AKAP3: variants seen among roughly 807,000 people sequenced by gnomAD.
AKAP3 encodes A-kinase anchoring protein 3, also known as A-kinase anchor protein 3.
A neutral mutation model predicts 57.2 loss-of-function variants in AKAP3; 27 were observed. The ratio of observed to expected loss-of-function variants is 0.47; its 90% CI spans 0.35 to 0.65. The LOEUF (loss-of-function observed/expected upper bound fraction) is 0.65, where lower values mean the gene tolerates loss of function less well. Ranked by LOEUF, AKAP3 falls within the 30% of genes least tolerant of loss-of-function variation. AKAP3 has a pLI of 0.01. For missense variants in AKAP3, 959 were observed against 1,040.0 expected, an observed-to-expected ratio of 0.92 and a Z score of 1.07; for synonymous variants, 334 against 392.3, an observed-to-expected ratio of 0.85 and a Z score of 1.76.
Position 4,615,688 on chromosome 12 carries a change from G to C in AKAP3, c.*51C>G. Reference sequence around the variant, plus strand: ...TGTGGAAGTGAGAAAGAAGGGCGGGGATAAGGGCCGGCCCCACTGCCAGAA... The same window carrying C: ...TGTGGAAGTGAGAAAGAAGGGCGGGCATAAGGGCCGGCCCCACTGCCAGAA... On this transcript the variant is annotated 3_prime_UTR_variant, in exon 6 of 6. Coordinates refer to ENST00000228850, the MANE Select transcript of AKAP3 (RefSeq NM_001278309.2). The C allele has an allele frequency of 6.3e-7, 1 of 1,584,930 alleles. No homozygotes were observed. The highest frequency in any genetic ancestry group is 8.6e-7 in the Non-Finnish European group (1 of 1,161,792).
At chr12:4,620,087 A>C (rs1175066563) in intron 5 of AKAP3, among the ~76,000 whole-genome samples, 1 of 152,258 alleles carries the variant, frequency 6.6e-6, no homozygotes, top group Non-Finnish European at 1.5e-5. Flanking sequence ...CCTATCGGAT[A>C]TTCAAAAATA....
At chr12:4,628,888 A>G in intron 4 of AKAP3, 83 bp from the exon 5 acceptor site, 3 of 1,422,460 alleles carry the variant, frequency 2.1e-6, no homozygotes, top group Non-Finnish European at 2.8e-6. Flanking sequence ...TCAGTTACAA[A>G]TGTCATCAGC....
At chr12:4,619,061 C>T (rs978402794) in intron 5 of AKAP3, among the ~76,000 whole-genome samples, 14 of 152,096 alleles carry the variant, frequency 9.2e-5, no homozygotes, top group African/African-American at 2.2e-4. Flanking sequence ...GAGCACATAA[C>T]GGAATAACGT....
At chr12:4,648,269 T>C (rs777755791) in intron 1 of AKAP3, among the ~76,000 whole-genome samples, 1 of 152,218 alleles carries the variant, frequency 6.6e-6, no homozygotes, top group Non-Finnish European at 1.5e-5. Context: ...AGTTTCTCCT[T>C]AGACAGATGT....
At chr12:4,619,169 C>T (rs532841877) in intron 5 of AKAP3, among the ~76,000 whole-genome samples, 1 of 152,098 alleles carries the variant, frequency 6.6e-6, no homozygotes, top group East Asian at 1.9e-4. Flanking sequence ...ATAATATTGA[C>T]CAGGATGTGG....
rs1367230714 is a variant in AKAP3, at chr12:4,639,618, G to A, written c.1-1422C>T. The stretch of plus-strand genomic sequence containing the variant: ...CAGGCCCCGGTGTGTGATGTTCCCC[G>A]CCCTGTGTCTAAGTGTTCTCATTGT... On this transcript the variant is annotated intron_variant, in intron 3 of 5. Coordinates refer to ENST00000228850, the MANE Select transcript of AKAP3 (RefSeq NM_001278309.2). 4.2e-5 allele frequency among the ~76,000 whole-genome samples: 4 copies of A among 95,212 alleles called. No homozygotes were observed. In the Admixed American group the frequency reaches 5.9e-4, roughly 14 times the overall value. The allele number at this position is 95,212 out of a possible 152,430, so 62.5% of individuals were successfully genotyped here. A position where few individuals can be genotyped will look rare whatever the true frequency, so the allele number is the denominator to read the frequency against.
At chr12:4,637,192 T>C (rs7137549) in intron 4 of AKAP3, among the ~76,000 whole-genome samples, 8,869 of 152,326 alleles carry the variant, frequency 0.058, 382 homozygotes, top group South Asian at 0.12. Context: ...TGACTTACTG[T>C]CTCTCACTCC....
At position 4,628,482 on chromosome 12, in the gene AKAP3, G is replaced by A; in HGVS notation, c.420C>T (p.Arg140=). The A allele has an allele frequency of 6.2e-7, 1 of 1,614,142 alleles. No homozygotes were observed. The highest frequency in any genetic ancestry group is 8.5e-7 in the Non-Finnish European group (1 of 1,180,022). ...RLTNLVIAMA[R]KEINEKIDGS... ...CATCGATCTTCTCATTGATCTCTTTGCGGGCCATGGCTATGACTAGATTCG... is the reference window on the plus strand; with the variant it reads ...CATCGATCTTCTCATTGATCTCTTTACGGGCCATGGCTATGACTAGATTCG... The change falls in exon 5 of 6, where the codon CGC becomes CGT. Residue 140 remains arginine, a synonymous_variant. Transcript: ENST00000228850.
chr12:4,622,806 G>A (rs771479209), intron 5 of AKAP3, among the ~76,000 whole-genome samples: 2 of 152,040 alleles, frequency 1.3e-5, no homozygotes, highest in African/African-American at 2.4e-5. Flanking sequence ...AAGAGCTTCT[G>A]CACATCAATA....
chr12:4,629,627 A>T (rs1945473019), intron 4 of AKAP3, among the ~76,000 whole-genome samples: 1 of 151,782 alleles, frequency 6.6e-6, no homozygotes, highest in Non-Finnish European at 1.5e-5. Flanking sequence ...CCTGAACTTA[A>T]AATAAAAGTT....
At position 4,626,644 on chromosome 12, in the gene AKAP3, G is replaced by A; in HGVS notation, c.2258C>T (p.Ala753Val). 4.3e-6 allele frequency: 7 copies of A among 1,614,204 alleles called. 1 individual carries two copies. The South Asian group carries it at 5.5e-5, about 13-fold the overall frequency. ...ATTGCTGACAATCACCGTGGGTGCT[G>A]CACACCCTTCAGGGGGCTGTCCTGA... is the stretch of plus-strand genomic sequence containing the variant. ...GTSGQPPEGCAAPTVIVSNHN... is the reference protein window; with the variant it reads ...GTSGQPPEGCVAPTVIVSNHN... The change falls in exon 5 of 6, where the codon GCA (alanine) becomes GTA (valine). Residue 753 changes from alanine to valine, a missense_variant. Transcript: ENST00000228850.
At chr12:4,626,435 A>G (rs1945412347) in intron 5 of AKAP3, 61 bp downstream of exon 5, 1 of 1,533,416 alleles carries the variant, frequency 6.5e-7, no homozygotes, top group Non-Finnish European at 8.8e-7. Flanking sequence ...AAGAAACCAG[A>G]ACTTAAAGCC....
At chr12:4,640,386 T>A (rs956544704) in intron 3 of AKAP3, among the ~76,000 whole-genome samples, 19 of 152,238 alleles carry the variant, frequency 1.2e-4, no homozygotes, top group Non-Finnish European at 1.0e-4. Context: ...AGTGAAATTG[T>A]GTTTTATGAA....
intron 4 of AKAP3, among the ~76,000 whole-genome samples, chr12:4,634,640 CAT>C (rs1351098013): frequency 6.6e-6 from 1 of 151,990 alleles, no homozygotes; most frequent in Non-Finnish European, 1.5e-5. Flanking sequence ...AAAGAACTCA[CAT>C]GTTTGAAAGG....
intron 4 of AKAP3, among the ~76,000 whole-genome samples, chr12:4,633,056 C>G (rs1344656925): frequency 6.6e-6 from 1 of 151,478 alleles, no homozygotes; most frequent in African/African-American, 2.4e-5. Flanking sequence ...TGAGCTGTAA[C>G]AGTACAGGAA....
rs773960015 is a variant in AKAP3, at chr12:4,627,268, C to G, written c.1634G>C (p.Arg545Thr). ...IQYHLAQGGR[R>T]DARSFVEAAG... ...AGCTTCAACGAAGCTCCGTGCATCC[C>G]TTCTTCCTCCCTGGGCCAGGTGATA... The change falls in exon 5 of 6, where the codon AGG (arginine) becomes ACG (threonine). Residue 545 changes from arginine (R) to threonine (T), a missense_variant. Transcript: ENST00000228850. The G allele has an allele frequency of 4.3e-6, 7 of 1,614,050 alleles. No individual in the cohort carries two copies. In the Admixed American group the frequency reaches 1.2e-4, roughly 27 times the overall value.
chr12:4,628,689 C>G lies in AKAP3; in HGVS notation c.213G>C (p.Thr71=), dbSNP rs138233318. 1.3e-5 allele frequency: 21 copies of G among 1,614,006 alleles called. No homozygotes were observed. The highest frequency in any genetic ancestry group is 1.7e-5 in the Non-Finnish European group (20 of 1,180,010). Residue 71 remains threonine (T), a synonymous_variant, in exon 5 of 6, where the codon ACG becomes ACC. Transcript: ENST00000228850. ...CTTTGTGTGGGTCTCCTGAGTTGGACGTTTCCCCACCAAATGATTCTCCGG... is the reference window on the plus strand; with the variant it reads ...CTTTGTGTGGGTCTCCTGAGTTGGAGGTTTCCCCACCAAATGATTCTCCGG... ...FKPGESFGGE[T]SNSGDPHKGF...
Position 4,627,924 on chromosome 12 carries a change from T to G in AKAP3, c.978A>C (p.Ala326=). The G allele has an allele frequency of 1.2e-6, 2 of 1,614,150 alleles. No individual in the cohort carries two copies. Among genetic ancestry groups the G allele is most frequent in the Non-Finnish European group, 1.7e-6 (2 of 1,180,014 alleles). The change falls in exon 5 of 6, where the codon GCA becomes GCC. Residue 326 remains alanine, a synonymous_variant. Coordinates refer to ENST00000228850, the MANE Select transcript of AKAP3 (RefSeq NM_001278309.2). Reference sequence around the variant, plus strand: ...CGATGAGATCCGAGACCACCTCTTTTGCATGCTTGAGCAGAACCTTCTTCA... The same window carrying G: ...CGATGAGATCCGAGACCACCTCTTTGGCATGCTTGAGCAGAACCTTCTTCA... ...ILLKKVLLKH[A]KEVVSDLIDS...
chr12:4,644,846 G>A (rs1945679543), intron 2 of AKAP3, among the ~76,000 whole-genome samples: 1 of 152,156 alleles, frequency 6.6e-6, no homozygotes, highest in Non-Finnish European at 1.5e-5. Context: ...TCCAGGAGGT[G>A]GAGGTTGCAG....
Sources: gnomAD v4.1 joint callset for allele counts (sites outside exome capture counted in the v4.1 genomes callset) on GRCh38, gnomAD v4.1.1 for gene constraint, MANE v1.5 for transcripts, NCBI Gene and HGNC (gene_info 2026-07-23, HGNC 2026-07-21) for gene names.